Variants in ARHGEF38 observed in about 807,000 individuals in gnomAD.
The protein encoded by ARHGEF38 is Rho guanine nucleotide exchange factor (GEF) 38.
Under a neutral mutation model 79.9 loss-of-function variants are expected in ARHGEF38, and 79 were observed. That is an observed-to-expected ratio of 0.99 (90% CI 0.82 to 1.19). The LOEUF (loss-of-function observed/expected upper bound fraction) is 1.19. Among genes scored for constraint, ARHGEF38 ranks in the 50% most tolerant of loss-of-function variants. The pLI is 0.00. For synonymous variants in ARHGEF38, 366 were observed against 328.3 expected (o/e 1.11, Z -1.24); for missense variants, 962 against 907.2 (o/e 1.06, Z -0.78).
chr4:105,650,073 C>A (rs1730036345), intron 7 of ARHGEF38, among the ~76,000 whole-genome samples: 1 of 152,188 alleles, frequency 6.6e-6, no homozygotes, highest in Admixed American at 6.5e-5. Context: ...ACTCAATATA[C>A]TTTAGCTGTC....
chr4:105,633,508 G>T (rs572948400), intron 4 of ARHGEF38, among the ~76,000 whole-genome samples: 2 of 152,226 alleles, frequency 1.3e-5, no homozygotes, highest in African/African-American at 4.8e-5. Context: ...AGATAACACA[G>T]CCCAAGTGCA....
chr4:105,594,534 A>G (rs1024617973), intron 2 of ARHGEF38, among the ~76,000 whole-genome samples: 1 of 152,214 alleles, frequency 6.6e-6, no homozygotes, highest in Non-Finnish European at 1.5e-5. Context: ...TCTCTATACA[A>G]AATCAAACTC....
In ARHGEF38 at chr4:105,680,215, T is replaced by C; in HGVS notation, c.*2278T>C. 2.2e-6 allele frequency: 1 copy of C among 459,490 alleles called. No individual in the cohort carries two copies. Among genetic ancestry groups the C allele is most frequent in the Non-Finnish European group, 4.1e-6 (1 of 246,648 alleles). The allele number at this position is 459,490 out of a possible 1,614,324, so 28.5% of individuals were successfully genotyped here. A position where few individuals can be genotyped will look rare whatever the true frequency, so the allele number is the denominator to read the frequency against. Reference sequence around the variant, plus strand: ...TTTAGTGTTTTCCCTTTTCTTTTCCTTAAGTCACTAAAATCTGTAGTTATA... The same window carrying C: ...TTTAGTGTTTTCCCTTTTCTTTTCCCTAAGTCACTAAAATCTGTAGTTATA... On this transcript the variant is annotated 3_prime_UTR_variant, in exon 14 of 14. Transcript: ENST00000420470.
At chr4:105,609,691 C>G (rs754275757) in intron 2 of ARHGEF38, among the ~76,000 whole-genome samples, 8 of 152,018 alleles carry the variant, frequency 5.3e-5, no homozygotes, top group Non-Finnish European at 1.0e-4. Context: ...CATCACATTA[C>G]CTGATTTTAA....
chr4:105,575,509 T>G (rs1726454180), intron 1 of ARHGEF38, among the ~76,000 whole-genome samples: 1 of 152,188 alleles, frequency 6.6e-6, no homozygotes, highest in Non-Finnish European at 1.5e-5. Context: ...GTTATTTGTT[T>G]TTTCCTTAAT....
chr4:105,675,828 G>A (rs1409242163), intron 13 of ARHGEF38, among the ~76,000 whole-genome samples: 2 of 152,148 alleles, frequency 1.3e-5, no homozygotes, highest in Non-Finnish European at 2.9e-5. Flanking sequence ...TGGTGGAAGG[G>A]GTGAAGAGTC....
chr4:105,597,732 C>T (rs544255427), intron 2 of ARHGEF38, among the ~76,000 whole-genome samples: 2 of 152,156 alleles, frequency 1.3e-5, no homozygotes, highest in Non-Finnish European at 2.9e-5. Context: ...ACATCAAAAT[C>T]CAATGCACAC....
chr4:105,659,886 T>TGTGTGTGC (rs35842406), intron 10 of ARHGEF38, among the ~76,000 whole-genome samples: 4,777 of 150,594 alleles, frequency 0.032, 154 homozygotes, highest in African/African-American at 0.084. Context: ...TGTGTGTGTG[T>TGTGTGTGC]GTAGCTTCGC....
chr4:105,664,661 TTTAA>T lies in ARHGEF38; in HGVS notation c.1546-1514_1546-1511del, dbSNP rs1256342427. Among the ~76,000 whole-genome samples, 7 of 152,326 alleles carry T rather than the reference TTTAA, an allele frequency of 4.6e-5. No homozygotes were observed. The East Asian group carries it at 1.3e-3, about 29-fold the overall frequency. On this transcript the variant is annotated intron_variant, in intron 10 of 13. Transcript: ENST00000420470. ...TTCAAGTTAGGCATTTGGAGAAAAC[TTTAA>T]TAACTATTTACAAAAATGTGAGTAT...
intron 7 of ARHGEF38, among the ~76,000 whole-genome samples, chr4:105,652,181 G>A (rs1730132282): frequency 1.3e-5 from 2 of 152,130 alleles, no homozygotes; most frequent in Admixed American, 1.3e-4. Flanking sequence ...AACAATCTCT[G>A]CCATACCTCC....
intron 1 of ARHGEF38, among the ~76,000 whole-genome samples, chr4:105,562,206 T>C (rs891202959): frequency 6.6e-6 from 1 of 152,218 alleles, no homozygotes; most frequent in Non-Finnish European, 1.5e-5. Flanking sequence ...TGGTGTGTTC[T>C]GATCCCCCTC....
chr4:105,643,788 T>G (rs965908485), intron 5 of ARHGEF38, among the ~76,000 whole-genome samples: 1 of 152,124 alleles, frequency 6.6e-6, no homozygotes, highest in Non-Finnish European at 1.5e-5. Context: ...CTCCACATTG[T>G]GTGCATGTAC....
chr4:105,597,466 T>C (rs996522015), intron 2 of ARHGEF38, among the ~76,000 whole-genome samples: 1 of 152,188 alleles, frequency 6.6e-6, no homozygotes, highest in African/African-American at 2.4e-5. Context: ...TCTCTCTCTC[T>C]TTCTTTTTAA....
intron 1 of ARHGEF38, among the ~76,000 whole-genome samples, chr4:105,571,867 C>T (rs1378482294): frequency 6.6e-6 from 1 of 152,128 alleles, no homozygotes; most frequent in Non-Finnish European, 1.5e-5. Flanking sequence ...CTTGGAATAA[C>T]ATTTTTGCCA....
chr4:105,600,592 T>C (rs1293666893), intron 2 of ARHGEF38, among the ~76,000 whole-genome samples: 1 of 152,172 alleles, frequency 6.6e-6, no homozygotes, highest in African/African-American at 2.4e-5. Context: ...TTAAATCCCA[T>C]CTACATGCTG....
At position 105,613,456 on chromosome 4, in the gene ARHGEF38, T is replaced by C. The variant is rs1464922811; in HGVS notation, c.457T>C (p.Ser153Pro). The change falls in exon 3 of 14, where the codon TCA becomes CCA. Residue 153 changes from serine to proline, a missense_variant. Transcript: ENST00000420470. ...GCATCAGATATCAGCCAAGCTGCTG[T>C]CATTGTTGGAAGAGGCCACAACAGA... ...SVHQISAKLL[S>P]LLEEATTDVE... The C allele has an allele frequency of 1.2e-6, 2 of 1,613,374 alleles. No homozygotes were observed.
intron 2 of ARHGEF38, 41 bp downstream of exon 2, chr4:105,589,476 T>C (rs1727220964): frequency 6.5e-7 from 1 of 1,543,518 alleles, no homozygotes; most frequent in Non-Finnish European, 8.8e-7. Flanking sequence ...TCCCATATCA[T>C]AAATAGGATC....
intron 3 of ARHGEF38, 45 bp from the exon 4 acceptor site, chr4:105,630,853 G>T: frequency 6.5e-7 from 1 of 1,542,178 alleles, no homozygotes; most frequent in Non-Finnish European, 8.8e-7. Context: ...TGAAGTGCCA[G>T]CTTTGTCTGA....
At chr4:105,560,300 C>T (rs1725452408) in intron 1 of ARHGEF38, among the ~76,000 whole-genome samples, 1 of 152,168 alleles carries the variant, frequency 6.6e-6, no homozygotes, top group Admixed American at 6.5e-5. Context: ...ATAGTAATAG[C>T]TTAATGATCT....
Sources: gnomAD v4.1 joint callset for allele counts (sites outside exome capture counted in the v4.1 genomes callset) on GRCh38, gnomAD v4.1.1 for gene constraint, MANE v1.5 for transcripts, NCBI Gene and HGNC (gene_info 2026-07-23, HGNC 2026-07-21) for gene names.